MTHFD1: variants seen among roughly 807,000 people sequenced by gnomAD.
MTHFD1 encodes the protein methylenetetrahydrofolate dehydrogenase, cyclohydrolase and formyltetrahydrofolate synthetase 1.
A neutral mutation model predicts 110.3 loss-of-function variants in MTHFD1; 44 were observed. That is an observed-to-expected ratio of 0.40 (90% CI 0.31 to 0.51). The LOEUF is 0.51. Ranked by LOEUF, MTHFD1 falls within the 20% of genes least tolerant of loss-of-function variation. MTHFD1 has a pLI of 0.60. For missense variants in MTHFD1, 909 were observed against 1,173.1 expected (o/e 0.77, Z 3.29); for synonymous variants, 402 against 428.8 (o/e 0.94, Z 0.77).
chr14:64,426,240 A>G, intron 11 of MTHFD1, 48 bp downstream of exon 11: 1 of 1,609,846 alleles, frequency 6.2e-7, no homozygotes, highest in Non-Finnish European at 8.5e-7. Context: ...ATCAGTCCTG[A>G]TACTAAGGCG....
At chr14:64,425,973 A>G in intron 10 of MTHFD1, 46 bp from the exon 11 acceptor site, 9 of 1,609,492 alleles carry the variant, frequency 5.6e-6, no homozygotes, top group Non-Finnish European at 5.1e-6. Context: ...GGGATTAATT[A>G]AACTCAGTGG....
chr14:64,425,125 T>G (rs1364308730), intron 9 of MTHFD1, among the ~76,000 whole-genome samples, 194 bp downstream of exon 9: 5 of 151,772 alleles, frequency 3.3e-5, no homozygotes, highest in Non-Finnish European at 7.4e-5. Context: ...ATAATTCCAG[T>G]CTGTTTTGGA....
chr14:64,408,579 A>G (rs538907347), intron 2 of MTHFD1, among the ~76,000 whole-genome samples: 1 of 152,318 alleles, frequency 6.6e-6, no homozygotes, highest in Non-Finnish European at 1.5e-5. Context: ...GTGAGCCACC[A>G]TGCCCGGCCA....
chr14:64,433,608 T>G (rs1246168676), intron 15 of MTHFD1, among the ~76,000 whole-genome samples: 1 of 147,484 alleles, frequency 6.8e-6, no homozygotes, highest in East Asian at 2.0e-4. Context: ...AGAGACCGGG[T>G]TTTGCCGTGT....
chr14:64,454,600 G>T, intron 25 of MTHFD1, 123 bp from the exon 26 acceptor site: 2 of 758,530 alleles, frequency 2.6e-6, no homozygotes, highest in South Asian at 1.5e-5. Context: ...AGATAGAGAT[G>T]TATATAAAGG....
intron 23 of MTHFD1, 34 bp from the exon 24 acceptor site, chr14:64,449,411 T>C (rs2140982287): frequency 6.2e-7 from 1 of 1,609,702 alleles, no homozygotes; most frequent in South Asian, 1.1e-5. Context: ...TCCAGCCATT[T>C]TCCATGCTTT....
rs577804838 is a variant in MTHFD1 at position 64,450,850 on chromosome 14, G to A, written c.2457+1228G>A. 5.9e-5 allele frequency among the ~76,000 whole-genome samples: 9 copies of A among 152,246 alleles called. No homozygotes were observed. In the South Asian group the frequency reaches 1.9e-3, roughly 32 times the overall value. ...AGCCCCCTGAGTAGGTGGGACCACA[G>A]ACATGTACTACCAAGCCTGGCTAAT... On this transcript the variant is annotated intron_variant, in intron 24 of 27. Transcript: ENST00000652337.
rs774355435 is a variant in MTHFD1, at chr14:64,449,418, CT to C, written c.2280-24del. ...TCTGTCTCTCCAGCCATTTTCCATG[CT>C]TTGATATGAAATGCTTCCTTTATAG... On this transcript the variant is annotated intron_variant, in intron 23 of 27. Transcript: ENST00000652337. 1.6e-5 allele frequency: 26 copies of C among 1,611,230 alleles called. No homozygotes were observed. In the African/African-American group the frequency reaches 3.3e-4, roughly 21 times the overall value.
At chr14:64,407,474 A>C (rs952795965) in intron 2 of MTHFD1, among the ~76,000 whole-genome samples, 3 of 151,758 alleles carry the variant, frequency 2.0e-5, no homozygotes, top group African/African-American at 7.3e-5. Context: ...CAAAAAAAAA[A>C]AAAAGTTTCT....
intron 6 of MTHFD1, among the ~76,000 whole-genome samples, chr14:64,416,485 TG>T (rs1371385005): frequency 6.6e-6 from 1 of 152,086 alleles, no homozygotes; most frequent in Non-Finnish European, 1.5e-5. Context: ...ACTCGACAGA[TG>T]GCTGGAAATG....
intron 24 of MTHFD1, among the ~76,000 whole-genome samples, chr14:64,451,414 T>C (rs2078371056): frequency 6.6e-6 from 1 of 152,248 alleles, no homozygotes; most frequent in Admixed American, 6.5e-5. Flanking sequence ...TTTAGTGTTC[T>C]CTTATTTCTC....
chr14:64,421,342 G>A (rs1363330349), intron 8 of MTHFD1, among the ~76,000 whole-genome samples: 3 of 152,160 alleles, frequency 2.0e-5, no homozygotes, highest in Admixed American at 6.5e-5. Flanking sequence ...ATTGTCGAAG[G>A]GAGTTATAGC....
intron 2 of MTHFD1, among the ~76,000 whole-genome samples, chr14:64,406,022 T>TATA (rs2077933063): frequency 6.8e-6 from 1 of 147,334 alleles, no homozygotes. Context: ...TATATATATA[T>TATA]ATAATAATAA....
intron 16 of MTHFD1, among the ~76,000 whole-genome samples, chr14:64,436,766 C>A (rs2078209138): frequency 6.6e-6 from 1 of 152,154 alleles, no homozygotes; most frequent in South Asian, 2.1e-4. Flanking sequence ...TAGCTTTAGA[C>A]AAATGGTATA....
intron 19 of MTHFD1, 177 bp downstream of exon 19, chr14:64,441,630 C>G (rs1032886231): frequency 6.3e-6 from 4 of 632,704 alleles, no homozygotes; most frequent in Non-Finnish European, 1.2e-5. Context: ...CATGGTGAAA[C>G]CCCGTCTCTA....
chr14:64,447,209 G>A (rs1361497192), intron 22 of MTHFD1, among the ~76,000 whole-genome samples: 2 of 134,594 alleles, frequency 1.5e-5, no homozygotes, highest in African/African-American at 5.7e-5. Flanking sequence ...AGGCTGGAGT[G>A]CAGTGGTGCA....
chr14:64,427,850 C>A (rs962123340), intron 12 of MTHFD1, among the ~76,000 whole-genome samples: 31 of 152,146 alleles, frequency 2.0e-4, no homozygotes, highest in African/African-American at 7.5e-4. Context: ...TAAGAAAAGC[C>A]TACCTTTATT....
At position 64,395,763 on chromosome 14, in the gene MTHFD1, G is replaced by A. The variant is rs2077843394; in HGVS notation, c.42-5030G>A. On this transcript the variant is annotated intron_variant, in intron 1 of 27. Coordinates refer to ENST00000652337, the MANE Select transcript of MTHFD1 (RefSeq NM_005956.4). ...GGACTGGTGCCGAGCATCCTGCAGT[G>A]CACAGGATAGTCCCCATAACAAAGG... Among the ~76,000 whole-genome samples the A allele has an allele frequency of 2.0e-5, 3 of 152,142 alleles. No individual in the cohort carries two copies. In the South Asian group the frequency reaches 6.2e-4, roughly 31 times the overall value.
intron 2 of MTHFD1, among the ~76,000 whole-genome samples, chr14:64,410,502 A>T (rs2077975189): frequency 6.6e-6 from 1 of 152,120 alleles, no homozygotes; most frequent in South Asian, 2.1e-4. Flanking sequence ...CAGGGATTAT[A>T]GACCTGAGTT....
Sources: gnomAD v4.1 joint callset for allele counts (sites outside exome capture counted in the v4.1 genomes callset) on GRCh38, gnomAD v4.1.1 for gene constraint, MANE v1.5 for transcripts, NCBI Gene and HGNC (gene_info 2026-07-23, HGNC 2026-07-21) for gene names.